Variants in CCDC148 observed in about 807,000 individuals in gnomAD.
CCDC148 encodes the protein coiled-coil domain-containing protein 148.
A neutral mutation model predicts 85.7 loss-of-function variants in CCDC148; 89 were observed. That is an observed-to-expected ratio of 1.04 (90% CI 0.87 to 1.24). The LOEUF (loss-of-function observed/expected upper bound fraction) is 1.24. Among genes scored for constraint, CCDC148 ranks in the 50% most tolerant of loss-of-function variants. The probability of loss-of-function intolerance (pLI) is 0.00; values close to 1 mark genes in which losing one functional copy is unlikely to be tolerated. For missense variants in CCDC148, 692 were observed against 671.7 expected (o/e 1.03, Z -0.33); for synonymous variants, 230 against 213.9 (o/e 1.08, Z -0.66).
At chr2:158,205,093 A>G (rs909103030) in intron 11 of CCDC148, among the ~76,000 whole-genome samples, 4 of 152,246 alleles carry the variant, frequency 2.6e-5, no homozygotes, top group Non-Finnish European at 5.9e-5. Context: ...TCTGAATGAC[A>G]TGACTAGCTG....
At chr2:158,263,746 A>G (rs1335609678) in intron 9 of CCDC148, among the ~76,000 whole-genome samples, 2 of 152,002 alleles carry the variant, frequency 1.3e-5, no homozygotes, top group Non-Finnish European at 2.9e-5. Context: ...TATCTAGTAC[A>G]TTTACCTAAC....
At chr2:158,193,449 AC>A (rs1408531749) in intron 11 of CCDC148, among the ~76,000 whole-genome samples, 1 of 151,996 alleles carries the variant, frequency 6.6e-6, no homozygotes, top group East Asian at 1.9e-4. Flanking sequence ...GTGGAGTAAT[AC>A]CCTGATTAGT....
At chr2:158,351,333 C>G (rs1273208274) in intron 2 of CCDC148, among the ~76,000 whole-genome samples, 1 of 152,208 alleles carries the variant, frequency 6.6e-6, no homozygotes, top group Non-Finnish European at 1.5e-5. Context: ...CCGGGTTCAT[C>G]TCACTAGGGA....
intron 1 of CCDC148, among the ~76,000 whole-genome samples, chr2:158,376,800 C>T (rs1684669180): frequency 6.6e-6 from 1 of 151,954 alleles, no homozygotes; most frequent in African/African-American, 2.4e-5. Flanking sequence ...AATCTTCCTC[C>T]CTATAAAGGC....
At chr2:158,444,100 T>C (rs1688059968) in intron 1 of CCDC148, among the ~76,000 whole-genome samples, 1 of 152,246 alleles carries the variant, frequency 6.6e-6, no homozygotes, top group South Asian at 2.1e-4. Flanking sequence ...AGGAGAATTC[T>C]TGGCATAACT....
intron 9 of CCDC148, among the ~76,000 whole-genome samples, chr2:158,293,337 G>C (rs553646076): frequency 6.6e-6 from 1 of 152,180 alleles, no homozygotes; most frequent in Non-Finnish European, 1.5e-5. Flanking sequence ...ACACTTGTCT[G>C]CACACTAGGT....
intron 7 of CCDC148, among the ~76,000 whole-genome samples, chr2:158,326,551 A>G (rs1400098886): frequency 6.6e-6 from 1 of 152,026 alleles, no homozygotes; most frequent in Non-Finnish European, 1.5e-5. Flanking sequence ...TCTTCATCTC[A>G]TTTGCTCCAT....
At chr2:158,442,727 G>A (rs1204640567) in intron 1 of CCDC148, among the ~76,000 whole-genome samples, 2 of 152,208 alleles carry the variant, frequency 1.3e-5, no homozygotes. Context: ...TCCAGCCTGC[G>A]CTGAAGTCAC....
At chr2:158,281,244 A>T (rs1690276582) in intron 9 of CCDC148, among the ~76,000 whole-genome samples, 2 of 152,084 alleles carry the variant, frequency 1.3e-5, no homozygotes, top group South Asian at 4.1e-4. Flanking sequence ...AAACACATTC[A>T]AAAGCTAGCA....
At chr2:158,430,466 T>C (rs1485157246) in intron 1 of CCDC148, among the ~76,000 whole-genome samples, 1 of 152,128 alleles carries the variant, frequency 6.6e-6, no homozygotes, top group Admixed American at 6.6e-5. Flanking sequence ...GACAAAAAAG[T>C]TGATCAATGA....
chr2:158,388,575 A>G (rs1685183072), intron 1 of CCDC148, among the ~76,000 whole-genome samples: 1 of 151,528 alleles, frequency 6.6e-6, no homozygotes, highest in Non-Finnish European at 1.5e-5. Context: ...GCTCACTGCA[A>G]CCTCCACCTC....
intron 10 of CCDC148, among the ~76,000 whole-genome samples, chr2:158,237,367 A>T (rs530140240): frequency 9.5e-4 from 144 of 152,268 alleles, no homozygotes; most frequent in Non-Finnish European, 1.8e-3. Flanking sequence ...CGGTCTGCCT[A>T]CTGTGTGGGA....
At chr2:158,424,071 G>A (rs916205126) in intron 1 of CCDC148, among the ~76,000 whole-genome samples, 5 of 152,160 alleles carry the variant, frequency 3.3e-5, no homozygotes, top group African/African-American at 1.2e-4. Context: ...GAAACAACAG[G>A]TGTTGGAGAG....
chr2:158,376,931 G>A (rs930271447), intron 1 of CCDC148, among the ~76,000 whole-genome samples: 2 of 152,088 alleles, frequency 1.3e-5, no homozygotes, highest in South Asian at 4.1e-4. Flanking sequence ...TTTTCAGGGA[G>A]AGGCAGTGAC....
chr2:158,183,436 G>A (rs1030440107), intron 11 of CCDC148, among the ~76,000 whole-genome samples: 2 of 152,064 alleles, frequency 1.3e-5, no homozygotes, highest in Admixed American at 1.3e-4. Flanking sequence ...AAAATGATAA[G>A]TACCAAATCT....
intron 1 of CCDC148, among the ~76,000 whole-genome samples, chr2:158,360,938 T>C (rs1040310215): frequency 4.6e-5 from 7 of 151,774 alleles, no homozygotes; most frequent in African/African-American, 9.7e-5. Flanking sequence ...AAAAACTTAG[T>C]TGAACTGCTA....
chr2:158,407,361 G>A (rs960665667), intron 1 of CCDC148, among the ~76,000 whole-genome samples: 4 of 152,020 alleles, frequency 2.6e-5, no homozygotes, highest in Admixed American at 1.3e-4. Flanking sequence ...TTCTTGAATT[G>A]CATGATCAGG....
At chr2:158,343,611 TC>T (rs1682851606) in intron 3 of CCDC148, among the ~76,000 whole-genome samples, 1 of 152,216 alleles carries the variant, frequency 6.6e-6, no homozygotes, top group South Asian at 2.1e-4. Context: ...TTAAATGTTG[TC>T]TTTTATGGTA....
intron 11 of CCDC148, among the ~76,000 whole-genome samples, chr2:158,217,848 G>A (rs1197656235): frequency 1.3e-5 from 2 of 151,916 alleles, no homozygotes; most frequent in Non-Finnish European, 2.9e-5. Flanking sequence ...ATTCTGATAC[G>A]GAAAAAAAGT....
Sources: gnomAD v4.1 joint callset for allele counts (sites outside exome capture counted in the v4.1 genomes callset) on GRCh38, gnomAD v4.1.1 for gene constraint, MANE v1.5 for transcripts, NCBI Gene and HGNC (gene_info 2026-07-23, HGNC 2026-07-21) for gene names.